The following EDN3 variants were observed in gnomAD, a reference collection of about 807,000 sequenced individuals.
EDN3 encodes the protein endothelin 3.
EDN3 carries 9 observed loss-of-function variants against 21.4 expected under a neutral mutation model. The observed-to-expected ratio is 0.42, with a 90% CI of 0.25 to 0.73. EDN3 has a LOEUF of 0.73. Among genes scored for constraint, EDN3 ranks in the 30% least tolerant of loss-of-function variants. The probability of loss-of-function intolerance (pLI) is 0.26; values close to 1 mark genes in which losing one functional copy is unlikely to be tolerated. For synonymous variants in EDN3, 133 were observed against 126.2 expected, an observed-to-expected ratio of 1.05 and a Z score of -0.36; for missense variants, 327 against 309.4, an observed-to-expected ratio of 1.06 and a Z score of -0.43.
intron 2 of EDN3, among the ~76,000 whole-genome samples, chr20:59,304,618 T>C (rs545488146): frequency 6.6e-6 from 1 of 152,316 alleles, no homozygotes; most frequent in East Asian, 1.9e-4. Context: ...TTGCTCTGAG[T>C]ACGGTCATTT....
intron 2 of EDN3, among the ~76,000 whole-genome samples, chr20:59,310,775 C>G (rs1989752075): frequency 6.6e-6 from 1 of 151,722 alleles, no homozygotes; most frequent in African/African-American, 2.4e-5. Context: ...CAGACGCAAC[C>G]AAAAACATGA....
chr20:59,314,645 CTGA>C (rs1990062220), intron 2 of EDN3, among the ~76,000 whole-genome samples: 1 of 152,134 alleles, frequency 6.6e-6, no homozygotes, highest in Non-Finnish European at 1.5e-5. Context: ...TTTAGGTCTC[CTGA>C]CCAGTCCTCA....
intron 2 of EDN3, among the ~76,000 whole-genome samples, chr20:59,307,851 A>AT (rs35394805): frequency 0.12 from 17,653 of 143,648 alleles, 1,213 homozygotes; most frequent in African/African-American, 0.18. Flanking sequence ...TAATTTAGTA[A>AT]TTTTTTTTTT....
intron 2 of EDN3, among the ~76,000 whole-genome samples, chr20:59,316,215 C>T (rs1990175447): frequency 6.6e-6 from 1 of 152,150 alleles, no homozygotes; most frequent in Non-Finnish European, 1.5e-5. Context: ...ACACTGTTGA[C>T]TGAAAAAAGC....
intron 2 of EDN3, among the ~76,000 whole-genome samples, chr20:59,302,071 ATC>A (rs754957563): frequency 6.6e-6 from 1 of 152,176 alleles, no homozygotes; most frequent in South Asian, 2.1e-4. Context: ...CCGAAAGTTT[ATC>A]TCATTCCCCA....
intron 2 of EDN3, 30 bp from the exon 3 acceptor site, chr20:59,320,987 G>A (rs373236271): frequency 4.3e-6 from 7 of 1,613,910 alleles, no homozygotes; most frequent in Non-Finnish European, 5.9e-6. Flanking sequence ...GCCTGGGTGT[G>A]CTCACCTAAC....
Position 59,324,664 on chromosome 20 carries a change from C to A in EDN3, c.*205C>A, listed in dbSNP as rs548702985. 12 of 667,564 alleles carry A rather than the reference C, an allele frequency of 1.8e-5. No homozygotes were observed. The Admixed American group carries it at 2.3e-4, about 13-fold the overall frequency. 41.4% of individuals were successfully genotyped at this position (667,564 alleles called of 1,614,324 possible). ...CAGTTTTCCTAATGAGTAAAATGAT[C>A]CCAGATGTGCCCCAGAGCATGACGC... On this transcript the variant is annotated 3_prime_UTR_variant, in exon 5 of 5. Coordinates refer to ENST00000337938, the MANE Select transcript of EDN3 (RefSeq NM_207034.3).
intron 3 of EDN3, among the ~76,000 whole-genome samples, chr20:59,321,829 G>A (rs1444633777): frequency 6.6e-6 from 1 of 152,214 alleles, no homozygotes; most frequent in Non-Finnish European, 1.5e-5. Context: ...AAATCACGTT[G>A]AATGGAACCA....
At position 59,324,624 on chromosome 20, in the gene EDN3, A is replaced by G. The variant is rs11570353; in HGVS notation, c.*165A>G. ...CCCCCCCCCCACGGCAAGAATGCCC[A>G]AATCCGAATGACCCCAGTTTTCCTA... is the stretch of plus-strand genomic sequence containing the variant. On this transcript the variant is annotated 3_prime_UTR_variant, in exon 5 of 5. Transcript: ENST00000337938. The G allele has an allele frequency of 1.7e-3, 1,544 of 933,948 alleles. 18 individuals carry two copies. The African/African-American group carries it at 0.023, about 14-fold the overall frequency. The allele number at this position is 933,948 out of a possible 1,614,324, so 57.9% of individuals were successfully genotyped here.
chr20:59,323,525 T>C (rs1990671472), intron 4 of EDN3: 2 of 398,140 alleles, frequency 5.0e-6, no homozygotes, highest in Non-Finnish European at 8.8e-6. Context: ...TTATAGAGCT[T>C]AACTAGTGGG....
intron 2 of EDN3, among the ~76,000 whole-genome samples, chr20:59,320,783 C>T (rs1229182384): frequency 6.6e-6 from 1 of 152,236 alleles, no homozygotes. Context: ...TACCCAGACC[C>T]TCCATGTCCT....
At chr20:59,311,674 C>T (rs540181684) in intron 2 of EDN3, among the ~76,000 whole-genome samples, 19 of 150,350 alleles carry the variant, frequency 1.3e-4, no homozygotes, top group African/African-American at 3.7e-4. Context: ...TTTTTTTCCA[C>T]GTCCTGTTTT....
chr20:59,314,333 CT>C (rs1990037756), intron 2 of EDN3, among the ~76,000 whole-genome samples: 1 of 152,208 alleles, frequency 6.6e-6, no homozygotes, highest in African/African-American at 2.4e-5. Flanking sequence ...TGGTTGCCAT[CT>C]CATGAAAGTG....
intron 2 of EDN3, among the ~76,000 whole-genome samples, chr20:59,313,870 G>A (rs1990001666): frequency 6.6e-6 from 1 of 152,210 alleles, no homozygotes; most frequent in Non-Finnish European, 1.5e-5. Flanking sequence ...ATGTTTCCTG[G>A]CCTATTTTCT....
chr20:59,301,625 G>C lies in EDN3; in HGVS notation c.268G>C (p.Glu90Gln), dbSNP rs147917971. The change falls in exon 2 of 5, where the codon GAG becomes CAG. Residue 90 changes from glutamate (E) to glutamine (Q), a missense_variant. Transcript: ENST00000337938. ...GQEQAAEGAP[E>Q]HHRSRRCTCF... ...GGAGCAGGCGGCCGAGGGGGCCCCT[G>C]AGCACCACCGATCCAGGCGCTGCAC... 9 of 1,614,010 alleles carry C rather than the reference G, an allele frequency of 5.6e-6. No individual in the cohort carries two copies. The African/African-American group carries it at 8.0e-5, about 14-fold the overall frequency.
chr20:59,307,988 C>T lies in EDN3; in HGVS notation c.365+6266C>T, dbSNP rs1989545117. Among the ~76,000 whole-genome samples the T allele has an allele frequency of 4.0e-5, 6 of 151,674 alleles. No homozygotes were observed. In the South Asian group the frequency reaches 1.2e-3, roughly 31 times the overall value. On this transcript the variant is annotated intron_variant, in intron 2 of 4. Transcript: ENST00000337938. The stretch of plus-strand genomic sequence containing the variant: ...CCTTTTGCAAGATTATTTTTATTAA[C>T]ATATGTTAACACATGGGCAAAACCC...
chr20:59,306,595 TAAAAA>T (rs57144708), intron 2 of EDN3, among the ~76,000 whole-genome samples: 27 of 62,450 alleles, frequency 4.3e-4, no homozygotes, highest in Non-Finnish European at 6.4e-4. Flanking sequence ...GCATAAAGAG[TAAAAA>T]AAAAAAAAAA....
chr20:59,303,907 C>T (rs563011285), intron 2 of EDN3, among the ~76,000 whole-genome samples: 128 of 152,250 alleles, frequency 8.4e-4, no homozygotes, highest in African/African-American at 3.0e-3. Flanking sequence ...TTTGGGCATC[C>T]CCTGAGCTAC....
chr20:59,318,563 G>A (rs983663984), intron 2 of EDN3, among the ~76,000 whole-genome samples: 3 of 152,190 alleles, frequency 2.0e-5, no homozygotes, highest in Non-Finnish European at 2.9e-5. Context: ...ACCTCCGCAC[G>A]GGTCGGTCAG....
Sources: gnomAD v4.1 joint callset for allele counts (sites outside exome capture counted in the v4.1 genomes callset) on GRCh38, gnomAD v4.1.1 for gene constraint, MANE v1.5 for transcripts, NCBI Gene and HGNC (gene_info 2026-07-23, HGNC 2026-07-21) for gene names.